Variants in DAPK1 observed in about 807,000 individuals in gnomAD.
DAPK1 encodes death associated protein kinase 1, also known as death-associated protein kinase 1.
Under a neutral mutation model 144.9 loss-of-function variants are expected in DAPK1, and 56 were observed. The observed-to-expected ratio is 0.39, with a 90% CI of 0.31 to 0.48. DAPK1 has a LOEUF of 0.48. Among genes scored for constraint, DAPK1 ranks in the 20% least tolerant of loss-of-function variants. DAPK1 has a pLI of 0.95. For synonymous variants in DAPK1, 690 were observed against 749.0 expected, an observed-to-expected ratio of 0.92 and a Z score of 1.29; for missense variants, 1,454 against 1,875.4, an observed-to-expected ratio of 0.78 and a Z score of 4.15.
intron 3 of DAPK1, chr9:87,632,746 A>G: frequency 1.0e-6 from 1 of 981,810 alleles, no homozygotes; most frequent in Non-Finnish European, 1.2e-6. Flanking sequence ...GTATATATGT[A>G]GGGAAGAAGG....
rs36231690 is a variant in DAPK1 at position 87,548,436 on chromosome 9, A to G, written c.62+49297A>G. Among the ~76,000 whole-genome samples, 823 of 152,140 alleles carry G rather than the reference A, an allele frequency of 5.4e-3. 6 individuals are homozygous for G. The highest frequency in any genetic ancestry group is 0.019 in the African/African-American group (769 of 41,498). On this transcript the variant is annotated intron_variant, in intron 2 of 25. Transcript: ENST00000408954. ...TCTTTTTCACCACTTTGTGGACTAC[A>G]TTTCTCCTGTTCCTGGGTCTGTTCT...
In DAPK1 at chr9:87,651,633, A is replaced by G. The variant is rs1000561754; in HGVS notation, c.1733A>G (p.Asn578Ser). Residue 578 changes from asparagine (N) to serine (S), a missense_variant, in exon 17 of 26, where the codon AAT becomes AGT. By Grantham distance (46) the Asn-to-Ser change is conservative. This residue lies in a region of DAPK1 where 1,025 missense variants were observed against 1,237.9 expected (regional missense o/e 0.83). Transcript: ENST00000408954. ...CFVDYQDRHG[N>S]TPLHVACKDG... ...GTCGATTATCAAGACAGGCACGGCA[A>G]TACTCCCCTCCATGTGGCATGTAAA... The G allele has an allele frequency of 1.9e-6, 3 of 1,614,104 alleles. No individual in the cohort carries two copies. Among genetic ancestry groups the G allele is most frequent in the Admixed American group, 1.7e-5 (1 of 60,012 alleles).
At chr9:87,641,837 C>T (rs1240382499) in intron 9 of DAPK1, 132 bp from the exon 10 acceptor site, 2 of 692,758 alleles carry the variant, frequency 2.9e-6, no homozygotes, top group East Asian at 2.7e-5. Flanking sequence ...CCATGTTATC[C>T]CAACTTCTTA....
intron 22 of DAPK1, 183 bp from the exon 23 acceptor site, chr9:87,698,473 C>T (rs982340628): frequency 5.3e-6 from 3 of 567,218 alleles, no homozygotes; most frequent in Non-Finnish European, 9.4e-6. Context: ...TGTCGTTGGC[C>T]ATGCTGGGGC....
At position 87,639,494 on chromosome 9, in the gene DAPK1, T is replaced by G; in HGVS notation, c.553+11T>G. The G allele has an allele frequency of 6.2e-7, 1 of 1,610,890 alleles. No individual in the cohort carries two copies. On this transcript the variant is annotated intron_variant, in intron 5 of 25. Coordinates refer to ENST00000408954, the MANE Select transcript of DAPK1 (RefSeq NM_004938.4). ...CTCCAGAGTTTGTCGGTAAGTTTCT[T>G]TGCTCCTGTGGTCATTTACGTCTCA... is the stretch of plus-strand genomic sequence containing the variant.
chr9:87,566,533 T>C (rs907753775), intron 2 of DAPK1, among the ~76,000 whole-genome samples: 1 of 152,094 alleles, frequency 6.6e-6, no homozygotes, highest in African/African-American at 2.4e-5. Flanking sequence ...GGGAGGTAAA[T>C]AGTTATTGGT....
intron 3 of DAPK1, among the ~76,000 whole-genome samples, chr9:87,627,721 G>C (rs1446688094): frequency 6.6e-6 from 1 of 152,110 alleles, no homozygotes; most frequent in Non-Finnish European, 1.5e-5. Context: ...AGGAGTGTGG[G>C]CCTTATTCTG....
At position 87,639,542 on chromosome 9, in the gene DAPK1, C is replaced by T. The variant is rs112788340; in HGVS notation, c.553+59C>T. The stretch of plus-strand genomic sequence containing the variant: ...TCATAAACATTATTCTGGCAAACCT[C>T]CCCTGCTAGAAGATTCTTTCCCTGC... On this transcript the variant is annotated intron_variant, in intron 5 of 25. Transcript: ENST00000408954. The T allele has an allele frequency of 8.1e-6, 13 of 1,609,470 alleles. No homozygotes were observed. The African/African-American group carries it at 1.1e-4, about 13-fold the overall frequency.
intron 19 of DAPK1, among the ~76,000 whole-genome samples, chr9:87,670,707 C>T (rs529794964): frequency 3.9e-5 from 6 of 152,112 alleles, no homozygotes; most frequent in Admixed American, 3.3e-4. Context: ...TCTGGAAATC[C>T]GCTTACCACA....
intron 2 of DAPK1, among the ~76,000 whole-genome samples, chr9:87,578,633 T>C (rs975362171): frequency 2.6e-5 from 4 of 152,242 alleles, no homozygotes; most frequent in African/African-American, 9.6e-5. Context: ...CTTGTACTTT[T>C]GCTAAAGTTG....
At chr9:87,662,264 A>C (rs946987213) in intron 18 of DAPK1, among the ~76,000 whole-genome samples, 21 of 152,128 alleles carry the variant, frequency 1.4e-4, no homozygotes, top group African/African-American at 5.1e-4. Flanking sequence ...TGATGTCTCC[A>C]GCTTTGCTCT....
chr9:87,528,718 A>T (rs1825598445), intron 2 of DAPK1, among the ~76,000 whole-genome samples: 1 of 151,500 alleles, frequency 6.6e-6, no homozygotes, highest in Non-Finnish European at 1.5e-5. Flanking sequence ...AAAAATACAA[A>T]AAAACTAGCC....
Position 87,668,628 on chromosome 9 carries a change from C to T in DAPK1, c.1955C>T (p.Ser652Leu), listed in dbSNP as rs771706666. ...AAGACGGCAGAAGATCTTGCTAGATCGGAACAGCACGAGCACGTAGCAGGT... is the reference window on the plus strand; with the variant it reads ...AAGACGGCAGAAGATCTTGCTAGATTGGAACAGCACGAGCACGTAGCAGGT... ...DGKTAEDLAR[S>L]EQHEHVAGLL... The change falls in exon 19 of 26, where the codon TCG becomes TTG. Residue 652 changes from serine (S) to leucine (L), a missense_variant. Coordinates refer to ENST00000408954, the MANE Select transcript of DAPK1 (RefSeq NM_004938.4). 23 of 1,481,646 alleles carry T rather than the reference C, an allele frequency of 1.6e-5. No individual in the cohort carries two copies. The highest frequency in any genetic ancestry group is 1.7e-4 in the Middle Eastern group (1 of 5,848). 91.8% of individuals were successfully genotyped at this position (1,481,646 alleles called of 1,614,324 possible). A position where few individuals can be genotyped will look rare whatever the true frequency, so the allele number is the denominator to read the frequency against.
intron 2 of DAPK1, among the ~76,000 whole-genome samples, chr9:87,524,357 C>T (rs1052917615): frequency 7.9e-5 from 12 of 152,224 alleles, no homozygotes; most frequent in African/African-American, 2.7e-4. Flanking sequence ...CTGGGACCCC[C>T]TCACCCTCAG....
chr9:87,658,189 C>A, intron 18 of DAPK1, 62 bp downstream of exon 18: 1 of 686,834 alleles, frequency 1.5e-6, no homozygotes, highest in Non-Finnish European at 2.6e-6. Context: ...GCCTCCAGGG[C>A]AGGAGGGACA....
At chr9:87,700,027 A>G (rs1207757113) in intron 23 of DAPK1, 90 bp from the exon 24 acceptor site, 2 of 1,053,600 alleles carry the variant, frequency 1.9e-6, no homozygotes, top group South Asian at 1.4e-5. Context: ...CCCTCCTACC[A>G]GCCTCTTGAG....
intron 11 of DAPK1, among the ~76,000 whole-genome samples, chr9:87,644,965 G>C (rs1818174102): frequency 6.6e-6 from 1 of 152,150 alleles, no homozygotes; most frequent in Admixed American, 6.5e-5. Context: ...TCTTAAACAT[G>C]CATTTTATAC....
chr9:87,645,126 C>A (rs1830225433), intron 11 of DAPK1, among the ~76,000 whole-genome samples: 1 of 152,140 alleles, frequency 6.6e-6, no homozygotes, highest in African/African-American at 2.4e-5. Context: ...TTCCAGTGGT[C>A]ATAATTCTGT....
chr9:87,649,678 C>T (rs1172076121), intron 15 of DAPK1, among the ~76,000 whole-genome samples: 3 of 152,176 alleles, frequency 2.0e-5, no homozygotes, highest in Non-Finnish European at 4.4e-5. Context: ...TCATCAAACA[C>T]ACAAGTGTTG....
Sources: gnomAD v4.1 joint callset for allele counts (sites outside exome capture counted in the v4.1 genomes callset) on GRCh38, gnomAD v4.1.1 for gene constraint, gnomAD v4.1.1 regional missense constraint, MANE v1.5 for transcripts, NCBI Gene and HGNC (gene_info 2026-07-23, HGNC 2026-07-21) for gene names.